The following AJAP1 variants were observed in gnomAD, a reference collection of about 807,000 sequenced individuals.
AJAP1 encodes the protein adherens junction-associated protein 1.
AJAP1 carries 5 observed loss-of-function variants against 35.0 expected under a neutral mutation model. That is an observed-to-expected ratio of 0.14 (90% CI 0.07 to 0.30). The LOEUF is 0.30. Among genes scored for constraint, AJAP1 ranks in the 10% least tolerant of loss-of-function variants. The probability of loss-of-function intolerance (pLI) is 1.00; values close to 1 mark genes in which losing one functional copy is unlikely to be tolerated. For missense variants in AJAP1, 586 were observed against 571.0 expected, an observed-to-expected ratio of 1.03 and a Z score of -0.27; for synonymous variants, 284 against 249.3, an observed-to-expected ratio of 1.14 and a Z score of -1.31.
intron 1 of AJAP1, among the ~76,000 whole-genome samples, chr1:4,679,831 G>GTGTGTT (rs1553154889): frequency 3.3e-5 from 5 of 151,276 alleles, no homozygotes; most frequent in Non-Finnish European, 7.4e-5. Flanking sequence ...GTGTGTGTGT[G>GTGTGTT]TGTGTGTGTG....
In AJAP1 at chr1:4,712,136, T is replaced by C. The variant is rs758688816; in HGVS notation, c.266T>C (p.Ile89Thr). The C allele has an allele frequency of 5.1e-6, 8 of 1,556,984 alleles. No individual in the cohort carries two copies. The highest frequency in any genetic ancestry group is 1.7e-4 in the Middle Eastern group (1 of 5,916). ...WSPRPPRVER[I>T]HGQMQMPRAR... Reference sequence around the variant, plus strand: ...CCCCGGCCGCCCCGAGTGGAGCGGATCCACGGGCAGATGCAGATGCCTCGA... The same window carrying C: ...CCCCGGCCGCCCCGAGTGGAGCGGACCCACGGGCAGATGCAGATGCCTCGA... Residue 89 changes from isoleucine (I) to threonine (T), a missense_variant, in exon 2 of 6, where the codon ATC becomes ACC. Transcript: ENST00000378191.
In AJAP1 at chr1:4,720,382, G is replaced by T. The variant is rs115712095; in HGVS notation, c.829+7683G>T. Reference sequence around the variant, plus strand: ...TTTCTTTCAGCACTGGGGAAGCCAAGTTTGTTGGAGGAACAGAGAGGCTGA... The same window carrying T: ...TTTCTTTCAGCACTGGGGAAGCCAATTTTGTTGGAGGAACAGAGAGGCTGA... On this transcript the variant is annotated intron_variant, in intron 2 of 5. Coordinates refer to ENST00000378191, the MANE Select transcript of AJAP1 (RefSeq NM_018836.4). This position sits in a 1 kb window ranked among gnomAD's most constrained non-coding sequence, Gnocchi z 4.4. 5.1e-3 allele frequency among the ~76,000 whole-genome samples: 783 copies of T among 152,330 alleles called. 10 individuals are homozygous for T. Among genetic ancestry groups the T allele is most frequent in the African/African-American group, 0.018 (749 of 41,590 alleles).
chr1:4,658,745 G>T (rs560813688), intron 1 of AJAP1, among the ~76,000 whole-genome samples: 14 of 152,336 alleles, frequency 9.2e-5, no homozygotes, highest in Admixed American at 2.6e-4. Flanking sequence ...TGTCCCTGTT[G>T]TTTATTTACT....
intron 2 of AJAP1, among the ~76,000 whole-genome samples, chr1:4,753,970 C>G (rs113985778): frequency 2.0e-5 from 3 of 152,122 alleles, no homozygotes; most frequent in African/African-American, 7.2e-5. Context: ...GGTTTTTGTT[C>G]GCTTGGTTCT....
chr1:4,750,583 TACAG>T (rs1171001443), intron 2 of AJAP1, among the ~76,000 whole-genome samples: 2 of 148,132 alleles, frequency 1.4e-5, no homozygotes, highest in Admixed American at 6.7e-5. Flanking sequence ...TGGGCACAGT[TACAG>T]ACAGAGCAGT....
rs1012163193 is a variant in AJAP1, at chr1:4,787,097, C to T, written c.*4612C>T. The T allele has an allele frequency of 1.3e-5, 2 of 152,416 alleles. No homozygotes were observed. The highest frequency in any genetic ancestry group is 2.9e-5 in the Non-Finnish European group (2 of 68,212). The allele number at this position is 152,416 out of a possible 1,614,324, so 9.4% of individuals were successfully genotyped here. On this transcript the variant is annotated 3_prime_UTR_variant, in exon 6 of 6. Coordinates refer to ENST00000378191, the MANE Select transcript of AJAP1 (RefSeq NM_018836.4). Reference sequence around the variant, plus strand: ...GAGAGAAACAACCCGTTCTGCATCACCATAATGAACCGATCAGTCATTCAT... The same window carrying T: ...GAGAGAAACAACCCGTTCTGCATCATCATAATGAACCGATCAGTCATTCAT...
At chr1:4,744,335 G>A (rs1221362342) in intron 2 of AJAP1, among the ~76,000 whole-genome samples, 1 of 152,186 alleles carries the variant, frequency 6.6e-6, no homozygotes, top group Non-Finnish European at 1.5e-5. Context: ...TTTTCCTCTG[G>A]TAGATGAGTG....
intron 5 of AJAP1, among the ~76,000 whole-genome samples, chr1:4,775,539 G>T (rs1641924630): frequency 6.6e-6 from 1 of 152,186 alleles, no homozygotes; most frequent in African/African-American, 2.4e-5. Context: ...CCGCGGACAG[G>T]GAAGGTCTGG....
At chr1:4,659,329 G>A (rs1638951238) in intron 1 of AJAP1, among the ~76,000 whole-genome samples, 1 of 152,116 alleles carries the variant, frequency 6.6e-6, no homozygotes, top group African/African-American at 2.4e-5. Flanking sequence ...GCTTGAGAGG[G>A]TTTCTCCTGC....
chr1:4,767,967 G>A (rs1406462540), intron 2 of AJAP1, among the ~76,000 whole-genome samples: 1 of 152,240 alleles, frequency 6.6e-6, no homozygotes, highest in Non-Finnish European at 1.5e-5. Flanking sequence ...CACATAGATA[G>A]GGATTACCAG....
intron 5 of AJAP1, among the ~76,000 whole-genome samples, chr1:4,781,803 G>A (rs1012524487): frequency 6.6e-6 from 1 of 152,226 alleles, no homozygotes; most frequent in South Asian, 2.1e-4. Flanking sequence ...GAGGGATGCT[G>A]ACCTACTGGG....
intron 2 of AJAP1, among the ~76,000 whole-genome samples, chr1:4,764,723 C>T (rs1641642793): frequency 6.6e-6 from 1 of 152,214 alleles, no homozygotes. Context: ...GTGATACGCA[C>T]AGCAATGTCA....
chr1:4,752,113 A>G lies in AJAP1; in HGVS notation c.830-17740A>G, dbSNP rs546942988. Among the ~76,000 whole-genome samples, 4 of 151,862 alleles carry G rather than the reference A, an allele frequency of 2.6e-5. No individual in the cohort carries two copies. The East Asian group carries it at 5.8e-4, about 22-fold the overall frequency. On this transcript the variant is annotated intron_variant, in intron 2 of 5. Transcript: ENST00000378191. ...CAGACACATGAGAAAGGGAAGCAGT[A>G]AGGTCACAGCATGTCATTAAAGGAG...
At chr1:4,780,302 C>G (rs887055416) in intron 5 of AJAP1, among the ~76,000 whole-genome samples, 1 of 151,994 alleles carries the variant, frequency 6.6e-6, no homozygotes, top group Non-Finnish European at 1.5e-5. Context: ...CACTCCCCGT[C>G]TCCCCCCATC....
At chr1:4,726,913 T>C (rs1004622544) in intron 2 of AJAP1, among the ~76,000 whole-genome samples, 1 of 152,166 alleles carries the variant, frequency 6.6e-6, no homozygotes, top group Non-Finnish European at 1.5e-5. Context: ...AGGCAGAGGC[T>C]TGGCCCAGAG....
At chr1:4,713,668 C>A (rs1640320600) in intron 2 of AJAP1, among the ~76,000 whole-genome samples, 1 of 152,350 alleles carries the variant, frequency 6.6e-6, no homozygotes, top group South Asian at 2.1e-4. Context: ...TGTTAACAGG[C>A]ACAGCCCGAT....
rs1478565874 is a variant in AJAP1 at position 4,723,389 on chromosome 1, T to C, written c.829+10690T>C. Among the ~76,000 whole-genome samples the C allele has an allele frequency of 1.3e-5, 2 of 151,960 alleles. No homozygotes were observed. Among genetic ancestry groups the C allele is most frequent in the Non-Finnish European group, 2.9e-5 (2 of 67,996 alleles). On this transcript the variant is annotated intron_variant, in intron 2 of 5. Coordinates refer to ENST00000378191, the MANE Select transcript of AJAP1 (RefSeq NM_018836.4). The surrounding 1 kb of genome is among the most constrained non-coding windows in gnomAD (Gnocchi z 4.3). ...AGCGGAGCCTCGGGTGTGTGGAAGG[T>C]CTGGAAGGCCATGGAGACAGTGGGG...
At chr1:4,733,377 G>A (rs536153589) in intron 2 of AJAP1, among the ~76,000 whole-genome samples, 2 of 151,710 alleles carry the variant, frequency 1.3e-5, no homozygotes, top group East Asian at 1.9e-4. Flanking sequence ...ACAGGACAGC[G>A]AGAAGCTGCC....
At chr1:4,739,787 C>T (rs973998161) in intron 2 of AJAP1, among the ~76,000 whole-genome samples, 2 of 152,164 alleles carry the variant, frequency 1.3e-5, no homozygotes, top group African/African-American at 2.4e-5. Context: ...ATGGTTGTGG[C>T]GGCCCTCACT....
Sources: gnomAD v4.1 joint callset for allele counts (sites outside exome capture counted in the v4.1 genomes callset) on GRCh38, gnomAD v4.1.1 for gene constraint, Gnocchi (gnomAD v3.1) non-coding constraint, MANE v1.5 for transcripts, NCBI Gene and HGNC (gene_info 2026-07-23, HGNC 2026-07-21) for gene names.